MCC: variants seen among roughly 807,000 people sequenced by gnomAD.
The protein encoded by MCC is MCC regulator of Wnt signaling pathway, also known as colorectal mutant cancer protein.
In MCC, 90 loss-of-function variants were observed where a neutral mutation model predicts 116.2. The ratio of observed to expected loss-of-function variants is 0.77; its 90% confidence interval spans 0.65 to 0.92. MCC has a LOEUF of 0.92. MCC is among the 40% of genes least tolerant of loss of function. The pLI, the probability that MCC is intolerant of heterozygous loss-of-function variation, is 0.00. For missense variants in MCC, 1,516 were observed against 1,312.2 expected, an observed-to-expected ratio of 1.16 and a Z score of -2.40; for synonymous variants, 578 against 510.5, an observed-to-expected ratio of 1.13 and a Z score of -1.78.
At chr5:113,239,753 C>G (rs1764292045) in intron 3 of MCC, among the ~76,000 whole-genome samples, 1 of 152,180 alleles carries the variant, frequency 6.6e-6, no homozygotes, top group Non-Finnish European at 1.5e-5. Flanking sequence ...TATACACTCA[C>G]TTTTATATAC....
At position 113,266,812 on chromosome 5, in the gene MCC, C is replaced by CA. The variant is rs36074192; in HGVS notation, c.627+73706dup. ...ATATGGACAAAAAAACAAAACAAAACAAAAAAAAAACCTAACAAAAAAACC... is the reference window on the plus strand; with the variant it reads ...ATATGGACAAAAAAACAAAACAAAACAAAAAAAAAAACCTAACAAAAAAACC... On this transcript the variant is annotated intron_variant, in intron 3 of 18. Transcript: ENST00000408903. Among the ~76,000 whole-genome samples the CA allele has an allele frequency of 5.4e-3, 803 of 147,606 alleles. 8 individuals are homozygous for CA. Among genetic ancestry groups the CA allele is most frequent in the African/African-American group, 0.017 (672 of 39,998 alleles).
intron 3 of MCC, among the ~76,000 whole-genome samples, chr5:113,293,460 G>A (rs2150362073): frequency 6.6e-6 from 1 of 152,278 alleles, no homozygotes; most frequent in African/African-American, 2.4e-5. Flanking sequence ...CAGACACCAA[G>A]CCTCTAGCTG....
rs377667405 is a variant in MCC, at chr5:113,368,116, G to A, written c.415+16852C>T. Among the ~76,000 whole-genome samples, 139 of 152,208 alleles carry A rather than the reference G, an allele frequency of 9.1e-4. 2 individuals carry two copies. Among genetic ancestry groups the A allele is most frequent in the African/African-American group, 3.1e-3 (130 of 41,538 alleles). The stretch of plus-strand genomic sequence containing the variant: ...CTAACATTTCATTAATAATTTGATT[G>A]GTAAGGGATTCTAGGTTGGAAATAA... On this transcript the variant is annotated intron_variant, in intron 2 of 18. Coordinates refer to ENST00000408903, the MANE Select transcript of MCC (RefSeq NM_001085377.2).
At chr5:113,212,548 C>A (rs1055598045) in intron 3 of MCC, among the ~76,000 whole-genome samples, 1 of 152,152 alleles carries the variant, frequency 6.6e-6, no homozygotes, top group Admixed American at 6.5e-5. Flanking sequence ...ACACATTTGA[C>A]AAAAAATGCA....
At chr5:113,167,895 G>A (rs1760863611) in intron 3 of MCC, among the ~76,000 whole-genome samples, 1 of 152,122 alleles carries the variant, frequency 6.6e-6, no homozygotes, top group Non-Finnish European at 1.5e-5. Flanking sequence ...CTCTCAAAGT[G>A]CTGGGATTAC....
intron 2 of MCC, among the ~76,000 whole-genome samples, chr5:113,372,968 G>A (rs1273320439): frequency 2.0e-5 from 3 of 152,152 alleles, no homozygotes; most frequent in Admixed American, 2.0e-4. Flanking sequence ...CACGTGGTCA[G>A]GAGATCGAGA....
At chr5:113,204,846 T>C (rs1451003624) in intron 3 of MCC, among the ~76,000 whole-genome samples, 1 of 152,206 alleles carries the variant, frequency 6.6e-6, no homozygotes, top group African/African-American at 2.4e-5. Flanking sequence ...AACTAAACAA[T>C]CAGTTTTGAA....
At chr5:113,111,997 C>G (rs1467394120) in intron 6 of MCC, among the ~76,000 whole-genome samples, 1 of 152,096 alleles carries the variant, frequency 6.6e-6, no homozygotes, top group East Asian at 1.9e-4. Context: ...AACAAACAAG[C>G]CCTGTAAAAA....
At chr5:113,467,526 C>G (rs62371902) in intron 1 of MCC, among the ~76,000 whole-genome samples, 1,577 of 152,208 alleles carry the variant, frequency 0.01, 16 homozygotes, top group Non-Finnish European at 0.018. Flanking sequence ...GGGCTCTGTT[C>G]TGTTCCATTG....
At chr5:113,191,921 T>G (rs796462025) in intron 3 of MCC, among the ~76,000 whole-genome samples, 22 of 152,318 alleles carry the variant, frequency 1.4e-4, no homozygotes, top group African/African-American at 5.3e-4. Flanking sequence ...AATGTCTGCA[T>G]GTGCTAAGTA....
chr5:113,151,236 C>T, intron 4 of MCC, 73 bp downstream of exon 4: 1 of 871,268 alleles, frequency 1.1e-6, no homozygotes, highest in African/African-American at 1.7e-5. Context: ...TTTCTGTACT[C>T]ATGTTTTATC....
intron 3 of MCC, among the ~76,000 whole-genome samples, chr5:113,242,448 A>C (rs1764407324): frequency 6.6e-6 from 1 of 151,846 alleles, no homozygotes; most frequent in Admixed American, 6.5e-5. Context: ...ATAAAGGACA[A>C]AATTAACTGG....
chr5:113,340,409 G>A (rs942059645), intron 3 of MCC, 110 bp downstream of exon 3: 19 of 915,276 alleles, frequency 2.1e-5, no homozygotes, highest in African/African-American at 9.9e-5. Context: ...AATATTTACC[G>A]CAATAAAGAA....
At chr5:113,256,203 T>A (rs1057189905) in intron 3 of MCC, among the ~76,000 whole-genome samples, 2 of 152,166 alleles carry the variant, frequency 1.3e-5, no homozygotes, top group African/African-American at 4.8e-5. Context: ...TTCCTGGTTC[T>A]GTTTCTATCC....
At chr5:113,415,631 G>T (rs532226445) in intron 1 of MCC, among the ~76,000 whole-genome samples, 9 of 152,050 alleles carry the variant, frequency 5.9e-5, no homozygotes, top group Admixed American at 2.0e-4. Flanking sequence ...GTCATTTAAG[G>T]TCTCCTCTAC....
In MCC at chr5:113,132,427, CATAT is replaced by C. The variant is rs1162820789; in HGVS notation, c.885-9605_885-9602del. Among the ~76,000 whole-genome samples the C allele has an allele frequency of 7.4e-3, 796 of 107,314 alleles. 17 individuals are homozygous for C. The highest frequency in any genetic ancestry group is 0.027 in the Admixed American group (296 of 10,904). The allele number at this position is 107,314 out of a possible 152,430, so 70.4% of individuals were successfully genotyped here. ...ACATACATATATATATACACACATA[CATAT>C]ATATATATATATACACACACACACA... is the stretch of plus-strand genomic sequence containing the variant. On this transcript the variant is annotated intron_variant, in intron 5 of 18. Coordinates refer to ENST00000408903, the MANE Select transcript of MCC (RefSeq NM_001085377.2).
intron 2 of MCC, among the ~76,000 whole-genome samples, chr5:113,375,431 T>C (rs964422318): frequency 6.6e-6 from 1 of 152,232 alleles, no homozygotes; most frequent in African/African-American, 2.4e-5. Flanking sequence ...ATGTGTTTCA[T>C]GTTTACTGCT....
rs972510153 is a variant in MCC, at chr5:113,433,606, G to A, written c.171-48394C>T. The stretch of plus-strand genomic sequence containing the variant: ...CCATGTGGGTTACCAAGTTCAAGGG[G>A]AGAGAGAAGAAGCTGATGAAAATAG... On this transcript the variant is annotated intron_variant, in intron 1 of 18. Transcript: ENST00000408903. The A allele has an allele frequency of 9.2e-6, 11 of 1,191,810 alleles. No individual in the cohort carries two copies. In the Admixed American group the frequency reaches 2.6e-4, roughly 28 times the overall value. 73.8% of individuals were successfully genotyped at this position (1,191,810 alleles called of 1,614,324 possible).
intron 17 of MCC, among the ~76,000 whole-genome samples, chr5:113,039,711 G>GCCCCCCCCCCCCCCC (rs61635777): frequency 1.9e-5 from 1 of 52,334 alleles, no homozygotes; most frequent in African/African-American, 6.5e-5. Flanking sequence ...CCCACTCCGC[G>GCCCCCCCCCCCCCCC]CCCCCCCCCC....
Sources: allele counts gnomAD v4.1 joint callset (sites outside exome capture counted in the v4.1 genomes callset), GRCh38; gene constraint gnomAD v4.1.1; transcripts MANE v1.5; gene names NCBI Gene and HGNC (gene_info 2026-07-23, HGNC 2026-07-21).